Variants in GRIP2 observed in about 807,000 individuals in gnomAD.
GRIP2 encodes the protein glutamate receptor-interacting protein 2.
Under a neutral mutation model 108.3 loss-of-function variants are expected in GRIP2, and 58 were observed. That is an observed-to-expected ratio of 0.54 (90% CI 0.43 to 0.67). The LOEUF is 0.67. GRIP2 is among the 30% of genes least tolerant of loss of function. GRIP2 has a pLI of 0.00. For missense variants in GRIP2, 1,278 were observed against 1,430.6 expected (o/e 0.89, Z 1.72); for synonymous variants, 586 against 598.2 (o/e 0.98, Z 0.30).
At chr3:14,530,390 T>C (rs540262165) in intron 1 of GRIP2, among the ~76,000 whole-genome samples, 45 of 143,720 alleles carry the variant, frequency 3.1e-4, no homozygotes, top group African/African-American at 1.0e-3. Flanking sequence ...ATCCTACTTG[T>C]TTTCCATTTC....
upstream of GRIP2, among the ~76,000 whole-genome samples, chr3:14,547,043 A>T (rs1462574539): frequency 6.6e-6 from 1 of 152,128 alleles, no homozygotes; most frequent in African/African-American, 2.4e-5. Flanking sequence ...CTGGGACTCC[A>T]TCCTAGGGTA....
At chr3:14,551,371 T>C (rs555149502) in intron 1 of GRIP2, among the ~76,000 whole-genome samples, 1 of 152,288 alleles carries the variant, frequency 6.6e-6, no homozygotes, top group East Asian at 1.9e-4. Context: ...CAATGTGCGG[T>C]TGGGGCATTC....
chr3:14,590,704 A>C, the GRIP2 span, among the ~76,000 whole-genome samples: 1 of 152,232 alleles, frequency 6.6e-6, no homozygotes, highest in Non-Finnish European at 1.5e-5. Context: ...CCTAACGAGG[A>C]TGAAGCTCAA....
upstream of GRIP2, chr3:14,540,500 G>A: frequency 7.2e-7 from 1 of 1,379,642 alleles, no homozygotes; most frequent in Non-Finnish European, 9.8e-7. The surrounding 1 kb of genome is among the most constrained non-coding windows in gnomAD (Gnocchi z 4.1). Context: ...CTGGCTCCAG[G>A]ACAGGGTCCA....
chr3:14,571,282 G>A, the GRIP2 span, among the ~76,000 whole-genome samples: 3 of 152,074 alleles, frequency 2.0e-5, no homozygotes, highest in South Asian at 6.2e-4. Context: ...GCCTGGCCTC[G>A]TAGGCATCTG....
At chr3:14,580,337 T>C in the GRIP2 span, among the ~76,000 whole-genome samples, 1 of 152,230 alleles carries the variant, frequency 6.6e-6, no homozygotes, top group Non-Finnish European at 1.5e-5. Flanking sequence ...CACACATCTT[T>C]AAATTGCCTC....
At chr3:14,601,095 C>A in the GRIP2 span, among the ~76,000 whole-genome samples, 8 of 151,756 alleles carry the variant, frequency 5.3e-5, no homozygotes, top group South Asian at 1.7e-3. Context: ...CACACACGAA[C>A]ACACACACGA....
chr3:14,511,818 G>A lies in GRIP2; in HGVS notation c.1721-339C>T, dbSNP rs1694102354. Among the ~76,000 whole-genome samples, 1 of 152,186 alleles carries A rather than the reference G, an allele frequency of 6.6e-6. No homozygotes were observed. The highest frequency in any genetic ancestry group is 1.9e-4 in the East Asian group (1 of 5,188). On this transcript the variant is annotated intron_variant, in intron 14 of 23. Coordinates refer to ENST00000621039, the MANE Select transcript of GRIP2 (RefSeq NM_001080423.4). This position sits in a 1 kb window ranked among gnomAD's most constrained non-coding sequence, Gnocchi z 4.1. The stretch of plus-strand genomic sequence containing the variant: ...AACTGCGAGCTCTTTGTGGAGGGGG[G>A]CTGTCTGCTTGGTGTCTGTGTCCCC...
chr3:14,513,800 G>C lies in GRIP2; in HGVS notation c.1504C>G (p.Leu502Val). The part of the protein sequence containing the change: ...PDSPAERCGL[L>V]QVGDRVLSIN... ...GACAGGACACGGTCCCCCACCTGCA[G>C]CAGCCCACACCTGAACCCAGGGGGC... The change falls in exon 13 of 24, where the codon CTG becomes GTG. Residue 502 changes from leucine (L) to valine (V), a missense_variant. Physicochemically the swap from Leu to Val is conservative, Grantham distance 32. Coordinates refer to ENST00000621039, the MANE Select transcript of GRIP2 (RefSeq NM_001080423.4). 6.2e-7 allele frequency: 1 copy of C among 1,613,032 alleles called. No homozygotes were observed. Among genetic ancestry groups the C allele is most frequent in the Non-Finnish European group, 8.5e-7 (1 of 1,179,662 alleles).
chr3:14,580,823 T>G, the GRIP2 span, among the ~76,000 whole-genome samples: 1 of 152,206 alleles, frequency 6.6e-6, no homozygotes, highest in African/African-American at 2.4e-5. Flanking sequence ...TGATTACATT[T>G]AAATCAACAG....
At chr3:14,550,863 C>A (rs537172453) in intron 1 of GRIP2, among the ~76,000 whole-genome samples, 1 of 152,344 alleles carries the variant, frequency 6.6e-6, no homozygotes, top group South Asian at 2.1e-4. Flanking sequence ...ACAGGGACCC[C>A]AGCACCCCTA....
At chr3:14,557,253 T>C (rs146079147), upstream of GRIP2, among the ~76,000 whole-genome samples, 162 of 152,362 alleles carry the variant, frequency 1.1e-3, no homozygotes, top group African/African-American at 3.7e-3. Context: ...TGACCAGTAA[T>C]AAAAATGAAT....
chr3:14,507,743 A>C lies in GRIP2; in HGVS notation c.2079-43T>G. The C allele has an allele frequency of 6.3e-7, 1 of 1,591,998 alleles. No individual in the cohort carries two copies. Among genetic ancestry groups the C allele is most frequent in the Non-Finnish European group, 8.6e-7 (1 of 1,161,748 alleles). ...GGCAGAGAATGGGAGTTAGACACTCAGGGCCTCAGAGTGGCAGTCTGCCCT... is the reference window on the plus strand; with the variant it reads ...GGCAGAGAATGGGAGTTAGACACTCCGGGCCTCAGAGTGGCAGTCTGCCCT... On this transcript the variant is annotated intron_variant, in intron 17 of 23. Coordinates refer to ENST00000621039, the MANE Select transcript of GRIP2 (RefSeq NM_001080423.4). This position sits in a 1 kb window ranked among gnomAD's most constrained non-coding sequence, Gnocchi z 4.6.
the GRIP2 span, among the ~76,000 whole-genome samples, chr3:14,601,064 T>TCACACA: frequency 0.013 from 1,895 of 145,474 alleles, 33 homozygotes; most frequent in African/African-American, 0.046. Flanking sequence ...CATCTCTCTC[T>TCACACA]CTCACACACA....
chr3:14,567,768 A>G, the GRIP2 span, among the ~76,000 whole-genome samples: 1 of 152,252 alleles, frequency 6.6e-6, no homozygotes, highest in Non-Finnish European at 1.5e-5. Flanking sequence ...AGCAGTGAAT[A>G]AGGCTTCCAG....
intron 1 of GRIP2, among the ~76,000 whole-genome samples, chr3:14,537,314 C>T (rs143837334): frequency 2.1e-4 from 32 of 152,322 alleles, no homozygotes; most frequent in Non-Finnish European, 3.2e-4. Flanking sequence ...CTTCCCCATC[C>T]GCCTGTTGGA....
upstream of GRIP2, among the ~76,000 whole-genome samples, chr3:14,559,204 T>A (rs117167473): frequency 1.4e-4 from 21 of 151,972 alleles, no homozygotes; most frequent in East Asian, 3.9e-3. Context: ...GCTGTGAGAG[T>A]GAAACGGGAT....
the GRIP2 span, among the ~76,000 whole-genome samples, chr3:14,596,541 T>C: frequency 2.0e-5 from 3 of 152,058 alleles, no homozygotes; most frequent in Non-Finnish European, 4.4e-5. Flanking sequence ...GCACCTACTG[T>C]GTACCATGCA....
chr3:14,493,762 C>T lies in GRIP2; in HGVS notation c.3035G>A (p.Gly1012Asp), dbSNP rs1208180593. Residue 1012 changes from glycine to aspartate, a missense_variant, in exon 24 of 24, where the codon GGT becomes GAT. Physicochemically the swap from Gly to Asp is moderately conservative, Grantham distance 94. Transcript: ENST00000621039. ...GCTGATGATCAGCTCCAAGACATCA[C>T]CCGCCTCGGCCAGGAGTGGCACCGC... The part of the protein sequence containing the change: ...CLAVPLLAEA[G>D]DVLELIISRK... 4.3e-6 allele frequency: 7 copies of T among 1,612,308 alleles called. No homozygotes were observed. The highest frequency in any genetic ancestry group is 5.9e-6 in the Non-Finnish European group (7 of 1,179,450).
Sources: gnomAD v4.1 joint callset for allele counts (sites outside exome capture counted in the v4.1 genomes callset) on GRCh38, gnomAD v4.1.1 for gene constraint, Gnocchi (gnomAD v3.1) non-coding constraint, MANE v1.5 for transcripts, NCBI Gene and HGNC (gene_info 2026-07-23, HGNC 2026-07-21) for gene names.